Variants in ATRNL1 observed in about 807,000 individuals in gnomAD.
ATRNL1 encodes attractin like 1, also known as attractin-like protein 1.
In ATRNL1, 95 loss-of-function variants were observed where a neutral mutation model predicts 182.7. The ratio of observed to expected loss-of-function variants is 0.52; its 90% CI spans 0.44 to 0.62. ATRNL1 has a LOEUF of 0.62. Among genes scored for constraint, ATRNL1 ranks in the 20% least tolerant of loss-of-function variants. The pLI, the probability that ATRNL1 is intolerant of heterozygous loss-of-function variation, is 0.00. For synonymous variants in ATRNL1, 576 were observed against 568.3 expected (o/e 1.01, Z -0.19); for missense variants, 1,471 against 1,679.5 (o/e 0.88, Z 2.17).
Position 115,580,447 on chromosome 10 carries a change from G to GA in ATRNL1, c.3795+30916dup, listed in dbSNP as rs558457752. 1.6e-3 allele frequency among the ~76,000 whole-genome samples: 250 copies of GA among 152,130 alleles called. 1 individual carries two copies. The highest frequency in any genetic ancestry group is 5.8e-3 in the African/African-American group (239 of 41,532). ...CCTTCTGGCCTGTAATGTTTCTACT[G>GA]AAAAATCAACTGATAGTCTGATGGC... On this transcript the variant is annotated intron_variant, in intron 26 of 28. Coordinates refer to ENST00000355044, the MANE Select transcript of ATRNL1 (RefSeq NM_207303.4).
At chr10:115,368,300 G>C (rs554028528) in intron 19 of ATRNL1, among the ~76,000 whole-genome samples, 74 of 152,260 alleles carry the variant, frequency 4.9e-4, no homozygotes, top group African/African-American at 1.5e-3. Flanking sequence ...AGGTGCGTCC[G>C]TCACCCCTTT....
chr10:115,758,593 A>G (rs1254972602), intron 27 of ATRNL1, among the ~76,000 whole-genome samples: 1 of 152,220 alleles, frequency 6.6e-6, no homozygotes, highest in African/African-American at 2.4e-5. Flanking sequence ...CCCAATCTGT[A>G]TACACGGGGG....
At chr10:115,285,763 A>G (rs1392292204) in intron 14 of ATRNL1, among the ~76,000 whole-genome samples, 1 of 152,070 alleles carries the variant, frequency 6.6e-6, no homozygotes, top group African/African-American at 2.4e-5. Flanking sequence ...ACAACTATAT[A>G]CCTGAGCTAT....
At chr10:115,528,698 A>C (rs1175689141) in intron 25 of ATRNL1, among the ~76,000 whole-genome samples, 1 of 151,792 alleles carries the variant, frequency 6.6e-6, no homozygotes, top group Admixed American at 6.6e-5. Context: ...TTCTTTTTCT[A>C]GTTCAAGTTG....
intron 17 of ATRNL1, among the ~76,000 whole-genome samples, chr10:115,309,038 A>G (rs1240126780): frequency 6.6e-6 from 1 of 152,038 alleles, no homozygotes; most frequent in Non-Finnish European, 1.5e-5. Flanking sequence ...ATGTTTCTGT[A>G]TAATTTGCCA....
chr10:115,544,427 G>A lies in ATRNL1; in HGVS notation c.3717-5031G>A, dbSNP rs952672223. Among the ~76,000 whole-genome samples the A allele has an allele frequency of 5.3e-5, 8 of 152,232 alleles. No homozygotes were observed. In the East Asian group the frequency reaches 1.5e-3, roughly 29 times the overall value. On this transcript the variant is annotated intron_variant, in intron 25 of 28. Coordinates refer to ENST00000355044, the MANE Select transcript of ATRNL1 (RefSeq NM_207303.4). ...TTCTGCAGGCTTTACAGGAAGGATG[G>A]TGCTGGCATCTGCTCAACTTCTAGA...
intron 20 of ATRNL1, among the ~76,000 whole-genome samples, chr10:115,412,941 T>C (rs1049888979): frequency 6.6e-6 from 1 of 152,200 alleles, no homozygotes; most frequent in Non-Finnish European, 1.5e-5. Context: ...TTGCATTTCT[T>C]TGGGGGATCT....
intron 26 of ATRNL1, among the ~76,000 whole-genome samples, chr10:115,621,843 G>A (rs887321672): frequency 1.1e-4 from 17 of 152,186 alleles, no homozygotes; most frequent in African/African-American, 3.4e-4. Flanking sequence ...AAGGACTTGT[G>A]TTAAAAATGC....
chr10:115,888,077 G>A (rs1411177863), intron 28 of ATRNL1, among the ~76,000 whole-genome samples: 1 of 152,074 alleles, frequency 6.6e-6, no homozygotes, highest in Non-Finnish European at 1.5e-5. Flanking sequence ...GTGGTCCCAC[G>A]AGATTGAGTC....
chr10:115,156,871 T>C lies in ATRNL1; in HGVS notation c.830-3169T>C, dbSNP rs556986996. On this transcript the variant is annotated intron_variant, in intron 5 of 28. Transcript: ENST00000355044. ...TTATAAAAAAGGAGTCTTGCACATA[T>C]AGTATGTTCTTATTCATAAGTGGGG... is the stretch of plus-strand genomic sequence containing the variant. 2.6e-5 allele frequency among the ~76,000 whole-genome samples: 4 copies of C among 152,192 alleles called. No homozygotes were observed. The South Asian group carries it at 6.2e-4, about 24-fold the overall frequency.
intron 1 of ATRNL1, among the ~76,000 whole-genome samples, chr10:115,115,978 A>G (rs1844466867): frequency 6.6e-6 from 1 of 152,082 alleles, no homozygotes; most frequent in East Asian, 1.9e-4. Flanking sequence ...TTCAGCTAGA[A>G]TGAGATATTG....
chr10:115,339,912 G>T (rs1426293247), intron 19 of ATRNL1, among the ~76,000 whole-genome samples: 2 of 152,014 alleles, frequency 1.3e-5, no homozygotes. Context: ...TATCATGAAG[G>T]GATCTTGAAT....
At chr10:115,172,562 C>T (rs1847336012) in intron 8 of ATRNL1, among the ~76,000 whole-genome samples, 1 of 152,028 alleles carries the variant, frequency 6.6e-6, no homozygotes, top group Non-Finnish European at 1.5e-5. Flanking sequence ...ACGTTCTAGA[C>T]CTTGTTATTC....
At chr10:115,701,600 G>A (rs1440611675) in intron 26 of ATRNL1, among the ~76,000 whole-genome samples, 1 of 151,866 alleles carries the variant, frequency 6.6e-6, no homozygotes, top group East Asian at 1.9e-4. Flanking sequence ...ACCAAAATCA[G>A]AAATATCAAA....
At chr10:115,747,594 G>A (rs1171342747) in intron 27 of ATRNL1, among the ~76,000 whole-genome samples, 1 of 152,010 alleles carries the variant, frequency 6.6e-6, no homozygotes, top group Non-Finnish European at 1.5e-5. Flanking sequence ...ATTTAGAGTG[G>A]TAGAGAGAGA....
At chr10:115,912,411 TA>T (rs1952708769) in intron 28 of ATRNL1, among the ~76,000 whole-genome samples, 1 of 64,414 alleles carries the variant, frequency 1.6e-5, no homozygotes, top group African/African-American at 6.5e-5. Context: ...TATATATATA[TA>T]TATTTGTGTG....
chr10:115,410,558 A>T (rs149799335), intron 20 of ATRNL1, among the ~76,000 whole-genome samples: 5 of 151,972 alleles, frequency 3.3e-5, no homozygotes, highest in African/African-American at 1.2e-4. Flanking sequence ...TGACCTCATG[A>T]TCTGCCCGCC....
chr10:115,405,948 T>G (rs1419921027), intron 20 of ATRNL1, among the ~76,000 whole-genome samples: 1 of 150,896 alleles, frequency 6.6e-6, no homozygotes, highest in Non-Finnish European at 1.5e-5. Flanking sequence ...CGGTGTTTGT[T>G]TTTTTGTCCT....
intron 8 of ATRNL1, among the ~76,000 whole-genome samples, chr10:115,189,304 A>G (rs1368648164): frequency 2.0e-5 from 3 of 152,190 alleles, no homozygotes; most frequent in Admixed American, 1.3e-4. Flanking sequence ...TGTGTTTACT[A>G]TACTTTTTAT....
Sources: allele counts gnomAD v4.1 joint callset (sites outside exome capture counted in the v4.1 genomes callset), GRCh38; gene constraint gnomAD v4.1.1; transcripts MANE v1.5; gene names NCBI Gene and HGNC (gene_info 2026-07-23, HGNC 2026-07-21).